DNAJC15: variants seen among roughly 807,000 people sequenced by gnomAD.
DNAJC15 encodes DnaJ heat shock protein family (Hsp40) member C15, also known as dnaJ homolog subfamily C member 15.
A neutral mutation model predicts 22.4 loss-of-function variants in DNAJC15; 27 were observed. The observed-to-expected ratio is 1.20, with a 90% CI of 0.89 to 1.66. The LOEUF is 1.66. DNAJC15 is among the 40% of genes most tolerant of loss of function. The probability of loss-of-function intolerance (pLI) is 0.00; values close to 1 mark genes in which losing one functional copy is unlikely to be tolerated. For missense variants in DNAJC15, 208 were observed against 187.1 expected (o/e 1.11, Z -0.65); for synonymous variants, 79 against 63.2 (o/e 1.25, Z -1.19).
intron 1 of DNAJC15, among the ~76,000 whole-genome samples, chr13:43,054,698 G>A (rs2040521205): frequency 6.6e-6 from 1 of 152,118 alleles, no homozygotes; most frequent in African/African-American, 2.4e-5. Flanking sequence ...GTGTAAGGGT[G>A]TTCATAGTAC....
At position 43,055,241 on chromosome 13, in the gene DNAJC15, T is replaced by TAA. The variant is rs541648843; in HGVS notation, c.109-10435_109-10434dup. Among the ~76,000 whole-genome samples, 937 of 144,754 alleles carry TAA rather than the reference T, an allele frequency of 6.5e-3. 12 individuals are homozygous for TAA. The highest frequency in any genetic ancestry group is 0.021 in the African/African-American group (853 of 39,690). The allele number at this position is 144,754 out of a possible 152,430, so 95.0% of individuals were successfully genotyped here. On this transcript the variant is annotated intron_variant, in intron 1 of 5. Coordinates refer to ENST00000379221, the MANE Select transcript of DNAJC15 (RefSeq NM_013238.3). ...GATCCAGGAATAAAGTGAGAGCTGA[T>TAA]AAAAAAAAAAACTCTGCTCTATAAA...
chr13:43,110,726 A>C lies in DNAJC15; in HGVS notation c.*3478A>C, dbSNP rs184105384. The C allele has an allele frequency of 6.6e-6, 1 of 152,302 alleles. No individual in the cohort carries two copies. The highest frequency in any genetic ancestry group is 1.5e-5 in the Non-Finnish European group (1 of 68,032). 9.4% of individuals were successfully genotyped at this position (152,302 alleles called of 1,614,324 possible). On this transcript the variant is annotated 3_prime_UTR_variant, in exon 6 of 6. Coordinates refer to ENST00000379221, the MANE Select transcript of DNAJC15 (RefSeq NM_013238.3). The stretch of plus-strand genomic sequence containing the variant: ...TATCATGAATTATGAGCTCTCTGAG[A>C]GCAAGGATCATATCAGTCTTGTTTA...
At chr13:43,036,154 T>C in intron 1 of DNAJC15, among the ~76,000 whole-genome samples, 1 of 94,502 alleles carries the variant, frequency 1.1e-5, no homozygotes, top group East Asian at 3.2e-4. Flanking sequence ...CAAAATGTTT[T>C]TCAGTTTCTG....
intron 1 of DNAJC15, among the ~76,000 whole-genome samples, chr13:43,044,146 C>T (rs1005478583): frequency 2.0e-5 from 3 of 151,952 alleles, no homozygotes; most frequent in African/African-American, 7.2e-5. Flanking sequence ...TTCTCCTTTC[C>T]ACTTGCTGTT....
In DNAJC15 at chr13:43,023,694, C is replaced by T. The variant is rs756868611; in HGVS notation, c.68C>T (p.Ser23Leu). 5.0e-6 allele frequency: 8 copies of T among 1,612,332 alleles called. No homozygotes were observed. In the Admixed American group the frequency reaches 5.0e-5, roughly 10 times the overall value. Residue 23 changes from serine (S) to leucine (L), a missense_variant, in exon 1 of 6, where the codon TCG becomes TTG. Ser to Leu is a moderately radical substitution (Grantham distance 145, BLOSUM62 -2). Transcript: ENST00000379221. ...SLRYAEYLQP[S>L]AKRPDADVDQ... is the part of the protein sequence containing the mutation. ...CGCTACGCTGAGTACTTGCAGCCCTCGGCCAAACGGCCAGACGCCGACGTC... is the reference window on the plus strand; with the variant it reads ...CGCTACGCTGAGTACTTGCAGCCCTTGGCCAAACGGCCAGACGCCGACGTC...
At chr13:43,089,417 T>A (rs993842066) in intron 5 of DNAJC15, among the ~76,000 whole-genome samples, 12 of 152,100 alleles carry the variant, frequency 7.9e-5, no homozygotes, top group African/African-American at 2.7e-4. Flanking sequence ...AGCCAAGATA[T>A]AAAACACAGG....
intron 1 of DNAJC15, among the ~76,000 whole-genome samples, chr13:43,026,662 AAAT>A (rs1189508754): frequency 7.0e-6 from 1 of 143,422 alleles, no homozygotes; most frequent in Non-Finnish European, 1.5e-5. Flanking sequence ...GGAAAATAGA[AAAT>A]AATGTTTGTC....
At chr13:43,032,823 TCAA>T (rs1034167526) in intron 1 of DNAJC15, among the ~76,000 whole-genome samples, 2 of 151,580 alleles carry the variant, frequency 1.3e-5, no homozygotes, top group Admixed American at 6.6e-5. Context: ...AGACTCTGTC[TCAA>T]CAACAACAAA....
rs115494509 is a variant in DNAJC15 at position 43,063,999 on chromosome 13, C to T, written c.109-1687C>T. Among the ~76,000 whole-genome samples, 418 of 152,306 alleles carry T rather than the reference C, an allele frequency of 2.7e-3. 2 individuals carry two copies. The highest frequency in any genetic ancestry group is 9.6e-3 in the African/African-American group (401 of 41,568). On this transcript the variant is annotated intron_variant, in intron 1 of 5. Transcript: ENST00000379221. ...AATACGTCTTCTATTCAGGAATAACCTATTTCAGGCAGGCTAGACAACCTG... is the reference window on the plus strand; with the variant it reads ...AATACGTCTTCTATTCAGGAATAACTTATTTCAGGCAGGCTAGACAACCTG...
At chr13:43,048,883 T>A (rs1312375366) in intron 1 of DNAJC15, among the ~76,000 whole-genome samples, 2 of 151,934 alleles carry the variant, frequency 1.3e-5, no homozygotes, top group Non-Finnish European at 2.9e-5. Flanking sequence ...TGTTAGCTAC[T>A]TTTTTAAGCC....
At position 43,023,778 on chromosome 13, in the gene DNAJC15, A is replaced by G. The variant is rs374915033; in HGVS notation, c.108+44A>G. ...CCCCACCCCTCTCTGGCTCCCTTGT[A>G]GTTTCTGCTTCAGCCCCCTCTACCG... is the stretch of plus-strand genomic sequence containing the variant. On this transcript the variant is annotated intron_variant, in intron 1 of 5. Coordinates refer to ENST00000379221, the MANE Select transcript of DNAJC15 (RefSeq NM_013238.3). 1.4e-5 allele frequency: 21 copies of G among 1,538,870 alleles called. No individual in the cohort carries two copies. In the African/African-American group the frequency reaches 2.7e-4, roughly 20 times the overall value.
Position 43,068,956 on chromosome 13 carries a change from C to A in DNAJC15, c.187C>A (p.Pro63Thr), listed in dbSNP as rs757102808. 1.2e-6 allele frequency: 2 copies of A among 1,613,000 alleles called. No individual in the cohort carries two copies. Among genetic ancestry groups the A allele is most frequent in the Non-Finnish European group, 1.7e-6 (2 of 1,179,454 alleles). Residue 63 changes from proline (P) to threonine (T), a missense_variant, in exon 3 of 6, where the codon CCT becomes ACT. Transcript: ENST00000379221. ...TCGCTACGCATTTCGGATCTGGAAA[C>A]CTCTAGAACAAGTTATCACAGAAAC... ...AGRYAFRIWK[P>T]LEQVITETAK...
intron 1 of DNAJC15, among the ~76,000 whole-genome samples, chr13:43,054,180 C>T (rs78311811): frequency 0.042 from 6,409 of 152,140 alleles, 468 homozygotes; most frequent in African/African-American, 0.15. Context: ...TTGTTGTTTC[C>T]ACTTCTGTTT....
chr13:43,025,979 C>T (rs2040379016), intron 1 of DNAJC15, among the ~76,000 whole-genome samples: 1 of 152,194 alleles, frequency 6.6e-6, no homozygotes, highest in African/African-American at 2.4e-5. Flanking sequence ...CATTAGAAAA[C>T]ATAATGAAGT....
chr13:43,078,709 T>C (rs200242612), intron 4 of DNAJC15, 21 bp downstream of exon 4: 1 of 1,604,474 alleles, frequency 6.2e-7, no homozygotes, highest in Non-Finnish European at 8.5e-7. Flanking sequence ...AGCATAAGTA[T>C]TGTTTTGTTG....
At chr13:43,037,630 G>C (rs1446733673) in intron 1 of DNAJC15, among the ~76,000 whole-genome samples, 1 of 151,852 alleles carries the variant, frequency 6.6e-6, no homozygotes, top group Non-Finnish European at 1.5e-5. Flanking sequence ...TTTACCTCCT[G>C]ATTTTAAAAA....
chr13:43,030,309 C>T (rs1028930338), intron 1 of DNAJC15, among the ~76,000 whole-genome samples: 1 of 152,130 alleles, frequency 6.6e-6, no homozygotes, highest in African/African-American at 2.4e-5. Flanking sequence ...CCAAGATTGC[C>T]ACCCTCAAGG....
intron 1 of DNAJC15, among the ~76,000 whole-genome samples, chr13:43,035,097 T>A (rs1289860770): frequency 6.6e-6 from 1 of 152,238 alleles, no homozygotes; most frequent in African/African-American, 2.4e-5. Context: ...TACACGTGGC[T>A]GCTGCTTTCA....
rs2040823619 is a variant in DNAJC15, at chr13:43,111,318, AAAT to A, written c.*4072_*4074del. 6.6e-6 allele frequency: 1 copy of A among 152,212 alleles called. No individual in the cohort carries two copies. The highest frequency in any genetic ancestry group is 6.5e-5 in the Admixed American group (1 of 15,284). The allele number at this position is 152,212 out of a possible 1,614,324, so 9.4% of individuals were successfully genotyped here. On this transcript the variant is annotated 3_prime_UTR_variant, in exon 6 of 6. Transcript: ENST00000379221. ...ATGTGCAACATGTTCAAACTGAAAA[AAAT>A]ACATTCTTAAACAGGAAACTTTTTC...
Sources: allele counts gnomAD v4.1 joint callset (sites outside exome capture counted in the v4.1 genomes callset), GRCh38; gene constraint gnomAD v4.1.1; transcripts MANE v1.5; gene names NCBI Gene and HGNC (gene_info 2026-07-23, HGNC 2026-07-21).